The following TPRG1L variants were observed in gnomAD, a reference collection of about 807,000 sequenced individuals.
The protein encoded by TPRG1L is tumor protein p63-regulated gene 1-like protein.
A neutral mutation model predicts 29.4 loss-of-function variants in TPRG1L; 25 were observed. That is an observed-to-expected ratio of 0.85 (90% CI 0.62 to 1.19). TPRG1L has a LOEUF of 1.19. TPRG1L is among the 50% of genes most tolerant of loss of function. The pLI, the probability that TPRG1L is intolerant of heterozygous loss-of-function variation, is 0.00. For synonymous variants in TPRG1L, 182 were observed against 151.1 expected (o/e 1.20, Z -1.50); for missense variants, 354 against 364.4 (o/e 0.97, Z 0.23).
At position 3,625,050 on chromosome 1, in the gene TPRG1L, C is replaced by T. The variant is rs1644472390; in HGVS notation, c.-23C>T. On this transcript the variant is annotated 5_prime_UTR_variant, in exon 1 of 5. Coordinates refer to ENST00000378344, the MANE Select transcript of TPRG1L (RefSeq NM_182752.4). Reference sequence around the variant, plus strand: ...ACGGCGGTCGCGTCGGCGTCAGGGTCGGGGTCGGTAAGGGGTGCGGCAATG... The same window carrying T: ...ACGGCGGTCGCGTCGGCGTCAGGGTTGGGGTCGGTAAGGGGTGCGGCAATG... The T allele has an allele frequency of 1.7e-6, 2 of 1,197,142 alleles. No homozygotes were observed. Among genetic ancestry groups the T allele is most frequent in the East Asian group, 3.7e-5 (1 of 27,024 alleles). The allele number at this position is 1,197,142 out of a possible 1,614,324, so 74.2% of individuals were successfully genotyped here. A position where few individuals can be genotyped will look rare whatever the true frequency, so the allele number is the denominator to read the frequency against.
chr1:3,625,921 C>G, intron 3 of TPRG1L, 32 bp downstream of exon 3: 1 of 1,587,588 alleles, frequency 6.3e-7, no homozygotes, highest in Non-Finnish European at 8.6e-7. Context: ...TATCACTGGA[C>G]CTAAGCACCA....
At chr1:3,625,300 G>GGGGCCGAGGGCGC in intron 1 of TPRG1L, 27 bp downstream of exon 1, 1 of 1,434,474 alleles carries the variant, frequency 7.0e-7, no homozygotes, top group Non-Finnish European at 9.1e-7. Context: ...GGCCGGGGCG[G>GGGGCCGAGGGCGC]GGGCCGAGGG....
At chr1:3,626,753 A>AT (rs1413000541) in intron 3 of TPRG1L, among the ~76,000 whole-genome samples, 3 of 151,792 alleles carry the variant, frequency 2.0e-5, no homozygotes, top group South Asian at 2.1e-4. Flanking sequence ...TAATTTTTGT[A>AT]TTTTTTGTAG....
At position 3,625,847 on chromosome 1, in the gene TPRG1L, T is replaced by C; in HGVS notation, c.428T>C (p.Ile143Thr). The C allele has an allele frequency of 6.2e-7, 1 of 1,613,136 alleles. No individual in the cohort carries two copies. The highest frequency in any genetic ancestry group is 8.5e-7 in the Non-Finnish European group (1 of 1,179,998). The change falls in exon 3 of 5, where the codon ATT becomes ACT. Residue 143 changes from isoleucine (I) to threonine (T), a missense_variant. Transcript: ENST00000378344. ...ATAGCGCTCAACGCAGTAGACACCATTTCCTACGGAGAATTCCAGTTTCCC... is the reference window on the plus strand; with the variant it reads ...ATAGCGCTCAACGCAGTAGACACCACTTCCTACGGAGAATTCCAGTTTCCC... ...VRIALNAVDT[I>T]SYGEFQFPPK...
chr1:3,625,319 G>A (rs1259861471), intron 1 of TPRG1L, 46 bp downstream of exon 1: 70 of 1,477,932 alleles, frequency 4.7e-5, no homozygotes, highest in Non-Finnish European at 6.1e-5. Flanking sequence ...GGCGCGGGGC[G>A]GGATGGGGGC....
Position 3,625,210 on chromosome 1 carries a change from C to G in TPRG1L, c.138C>G (p.Leu46=). The change falls in exon 1 of 5, where the codon CTC becomes CTG. Residue 46 remains leucine (L), a synonymous_variant. Coordinates refer to ENST00000378344, the MANE Select transcript of TPRG1L (RefSeq NM_182752.4). The part of the protein sequence containing the change: ...PGAGTPLRQT[L]WPLSIHDPTR... ...CGGGGACGCCGCTGCGCCAGACACT[C>G]TGGCCTCTCAGCATCCACGACCCCA... 3 of 1,332,254 alleles carry G rather than the reference C, an allele frequency of 2.3e-6. No homozygotes were observed. Among genetic ancestry groups the G allele is most frequent in the Non-Finnish European group, 2.9e-6 (3 of 1,044,864 alleles). The allele number at this position is 1,332,254 out of a possible 1,614,324, so 82.5% of individuals were successfully genotyped here. A position where few individuals can be genotyped will look rare whatever the true frequency, so the allele number is the denominator to read the frequency against.
rs1462530897 is a variant in TPRG1L, at chr1:3,625,096, G to C, written c.24G>C (p.Val8=). The change falls in exon 1 of 5, where the codon GTG becomes GTC. Residue 8 remains valine (V), a synonymous_variant. Coordinates refer to ENST00000378344, the MANE Select transcript of TPRG1L (RefSeq NM_182752.4). MLQLRDS[V]DSAGTSPTAV... ...CAATGCTGCAACTGCGGGACTCGGT[G>C]GACTCGGCCGGTACGAGCCCCACGG... The C allele has an allele frequency of 8.2e-7, 1 of 1,217,822 alleles. No homozygotes were observed. Among genetic ancestry groups the C allele is most frequent in the Non-Finnish European group, 1.0e-6 (1 of 971,226 alleles). The allele number at this position is 1,217,822 out of a possible 1,614,324, so 75.4% of individuals were successfully genotyped here. A position where few individuals can be genotyped will look rare whatever the true frequency, so the allele number is the denominator to read the frequency against.
intron 3 of TPRG1L, among the ~76,000 whole-genome samples, chr1:3,626,742 C>A (rs1313723458): frequency 6.6e-6 from 1 of 151,962 alleles, no homozygotes; most frequent in Non-Finnish European, 1.5e-5. Context: ...CCACACCCAG[C>A]TAATTTTTGT....
intron 3 of TPRG1L, among the ~76,000 whole-genome samples, chr1:3,627,274 C>T (rs947168134): frequency 6.6e-6 from 1 of 152,176 alleles, no homozygotes; most frequent in Non-Finnish European, 1.5e-5. Context: ...CAGGCCACTA[C>T]ACTCAAGCCT....
chr1:3,626,868 C>T (rs1570283107), intron 3 of TPRG1L, among the ~76,000 whole-genome samples: 2 of 152,056 alleles, frequency 1.3e-5, no homozygotes, highest in Non-Finnish European at 2.9e-5. Context: ...TGTCAGCCAC[C>T]GTGCCCAGCC....
chr1:3,628,561 G>GA lies in TPRG1L; in HGVS notation c.780dup (p.Leu261ThrfsTer73). 6.2e-7 allele frequency: 1 copy of GA among 1,612,658 alleles called. No individual in the cohort carries two copies. The highest frequency in any genetic ancestry group is 1.3e-5 in the African/African-American group (1 of 74,786). Reference sequence around the variant, plus strand: ...TCATGTCCTTCATTAACAACGAGGCGAAACTGGGCTACTCCATGACCAGGG... The same window carrying GA: ...TCATGTCCTTCATTAACAACGAGGCGAAAACTGGGCTACTCCATGACCAGGG... On this transcript the variant is annotated frameshift_variant, in exon 5 of 5. Transcript: ENST00000378344. LOFTEE classifies it high-confidence loss of function.
At chr1:3,626,398 G>A (rs981247891) in intron 3 of TPRG1L, among the ~76,000 whole-genome samples, 3 of 152,172 alleles carry the variant, frequency 2.0e-5, no homozygotes, top group Non-Finnish European at 4.4e-5. Context: ...CTGACGTGAG[G>A]AACCTAAACA....
At chr1:3,625,966 C>G in intron 3 of TPRG1L, 77 bp downstream of exon 3, 4 of 1,380,578 alleles carry the variant, frequency 2.9e-6, no homozygotes, top group Non-Finnish European at 3.9e-6. Flanking sequence ...TTTAAATCAG[C>G]CCCCCAAGCG....
In TPRG1L at chr1:3,627,627, G is replaced by C. The variant is rs564149197; in HGVS notation, c.598G>C (p.Asp200His). The C allele has an allele frequency of 1.2e-6, 2 of 1,613,956 alleles. No individual in the cohort carries two copies. The highest frequency in any genetic ancestry group is 1.7e-5 in the Admixed American group (1 of 60,030). The change falls in exon 4 of 5, where the codon GAT becomes CAT. Residue 200 changes from aspartate to histidine, a missense_variant. Physicochemically the swap from Asp to His is moderately conservative, Grantham distance 81. Coordinates refer to ENST00000378344, the MANE Select transcript of TPRG1L (RefSeq NM_182752.4). ...CACAGAACACCCGATGGCTGGCGCAGATGAGAAGACAGCATCTCTGTGTCA... is the reference window on the plus strand; with the variant it reads ...CACAGAACACCCGATGGCTGGCGCACATGAGAAGACAGCATCTCTGTGTCA... ...TFTEHPMAGA[D>H]EKTASLCQLE...
At chr1:3,625,542 T>G (rs760547185) in intron 2 of TPRG1L, 27 bp downstream of exon 2, 1 of 1,585,550 alleles carries the variant, frequency 6.3e-7, no homozygotes. Flanking sequence ...CTCTCCTTGG[T>G]GGGGGGACTC....
rs1326002610 is a variant in TPRG1L at position 3,627,777 on chromosome 1, G to A, written c.624+124G>A. 34 of 1,252,376 alleles carry A rather than the reference G, an allele frequency of 2.7e-5. No homozygotes were observed. In the South Asian group the frequency reaches 4.0e-4, roughly 15 times the overall value. 77.6% of individuals were successfully genotyped at this position (1,252,376 alleles called of 1,614,324 possible). ...CGCGGAGCTGCCGAGCACTTGAGAC[G>A]TGGCTAGAAATGAGAGAGGAAGCTC... On this transcript the variant is annotated intron_variant, in intron 4 of 4. Coordinates refer to ENST00000378344, the MANE Select transcript of TPRG1L (RefSeq NM_182752.4).
rs1435074976 is a variant in TPRG1L, at chr1:3,628,547, A to G, written c.763A>G (p.Ile255Val). The change falls in exon 5 of 5, where the codon ATT (isoleucine) becomes GTT (valine). Residue 255 changes from isoleucine (I) to valine (V), a missense_variant. By Grantham distance (29) the Ile-to-Val change is conservative (BLOSUM62 3). Coordinates refer to ENST00000378344, the MANE Select transcript of TPRG1L (RefSeq NM_182752.4). ...IETYVGLMSF[I>V]NNEAKLGYSM... ...GACCTACGTGGGACTCATGTCCTTCATTAACAACGAGGCGAAACTGGGCTA... is the reference window on the plus strand; with the variant it reads ...GACCTACGTGGGACTCATGTCCTTCGTTAACAACGAGGCGAAACTGGGCTA... 3 of 1,613,042 alleles carry G rather than the reference A, an allele frequency of 1.9e-6. No individual in the cohort carries two copies. Among genetic ancestry groups the G allele is most frequent in the Non-Finnish European group, 2.5e-6 (3 of 1,179,508 alleles).
intron 3 of TPRG1L, among the ~76,000 whole-genome samples, chr1:3,626,935 ATAACCAAAATATACCTAATTTG>A (rs1455932118): frequency 1.3e-5 from 2 of 152,200 alleles, no homozygotes; most frequent in Admixed American, 1.3e-4. Flanking sequence ...AATACATTTA[ATAACCAAAATATACCTAATTTG>A]TCATATTTAT....
Position 3,628,471 on chromosome 1 carries a change from G to A in TPRG1L, c.687G>A (p.Leu229=), listed in dbSNP as rs779078515. 12 of 1,613,970 alleles carry A rather than the reference G, an allele frequency of 7.4e-6. No individual in the cohort carries two copies. Among genetic ancestry groups the A allele is most frequent in the Middle Eastern group, 1.6e-4 (1 of 6,062 alleles). ...AAAAAGCCCAAAAAGAAAGCCCTTT[G>A]CCAGGACAGGCGAATGGCGTGCTGA... ...AVKKAQKESP[L]PGQANGVLIL... The change falls in exon 5 of 5, where the codon TTG becomes TTA. Residue 229 remains leucine, a synonymous_variant. Coordinates refer to ENST00000378344, the MANE Select transcript of TPRG1L (RefSeq NM_182752.4).
Sources: allele counts gnomAD v4.1 joint callset (sites outside exome capture counted in the v4.1 genomes callset), GRCh38; gene constraint gnomAD v4.1.1; transcripts MANE v1.5; gene names NCBI Gene and HGNC (gene_info 2026-07-23, HGNC 2026-07-21).